Variants in CERT1 observed in about 807,000 individuals in gnomAD.
The protein encoded by CERT1 is ceramide transporter 1, also known as ceramide transfer protein.
A neutral mutation model predicts 87.9 loss-of-function variants in CERT1; 31 were observed. The ratio of observed to expected loss-of-function variants is 0.35; its 90% CI spans 0.27 to 0.48. CERT1 has a LOEUF of 0.48. Ranked by LOEUF, CERT1 falls within the 20% of genes least tolerant of loss-of-function variation. The probability of loss-of-function intolerance (pLI) is 0.99; values close to 1 mark genes in which losing one functional copy is unlikely to be tolerated. For synonymous variants in CERT1, 289 were observed against 250.9 expected (o/e 1.15, Z -1.44); for missense variants, 487 against 758.0 (o/e 0.64, Z 4.20).
At chr5:75,406,974 C>A (rs1399094051) in intron 8 of CERT1, among the ~76,000 whole-genome samples, 2 of 151,924 alleles carry the variant, frequency 1.3e-5, no homozygotes, top group African/African-American at 4.8e-5. Flanking sequence ...CAAAAAGAGT[C>A]ATAGTTTGAA....
intron 14 of CERT1, 136 bp from the exon 15 acceptor site, chr5:75,382,213 A>G (rs770125499): frequency 2.8e-6 from 2 of 720,100 alleles, no homozygotes; most frequent in Non-Finnish European, 4.5e-6. Flanking sequence ...ATATCTACCA[A>G]ATGATTAATT....
chr5:75,414,626 C>T (rs774576427), intron 7 of CERT1, among the ~76,000 whole-genome samples: 1 of 152,066 alleles, frequency 6.6e-6, no homozygotes, highest in Non-Finnish European at 1.5e-5. Context: ...ATTAAGTACA[C>T]TTCTTCTACA....
At chr5:75,499,061 C>T (rs1767217628) in intron 2 of CERT1, among the ~76,000 whole-genome samples, 1 of 152,252 alleles carries the variant, frequency 6.6e-6, no homozygotes, top group Non-Finnish European at 1.5e-5. Flanking sequence ...TAAGATTTGG[C>T]TGCCTGCCAA....
Position 75,399,797 on chromosome 5 carries a change from C to A in CERT1, c.1110+408G>T, listed in dbSNP as rs1322467121. Reference sequence around the variant, plus strand: ...GGAATACAATATATAAAACCAAAAACAGTCTCATTACTTAAATTAATGAAA... The same window carrying A: ...GGAATACAATATATAAAACCAAAAAAAGTCTCATTACTTAAATTAATGAAA... On this transcript the variant is annotated intron_variant, in intron 10 of 16. Coordinates refer to ENST00000643780, the MANE Select transcript of CERT1 (RefSeq NM_001379029.1). Among the ~76,000 whole-genome samples, 4 of 152,232 alleles carry A rather than the reference C, an allele frequency of 2.6e-5. No individual in the cohort carries two copies. In the East Asian group the frequency reaches 5.8e-4, roughly 22 times the overall value.
intron 2 of CERT1, among the ~76,000 whole-genome samples, chr5:75,499,452 C>T (rs923758457): frequency 3.9e-5 from 6 of 152,036 alleles, no homozygotes; most frequent in African/African-American, 1.5e-4. Flanking sequence ...GAGCTTGTCC[C>T]CCTTTGCCTG....
At chr5:75,430,447 T>C (rs1236993847) in intron 3 of CERT1, among the ~76,000 whole-genome samples, 1 of 152,188 alleles carries the variant, frequency 6.6e-6, no homozygotes, top group Non-Finnish European at 1.5e-5. Flanking sequence ...CTTCATGGTA[T>C]GCAAATTATG....
intron 2 of CERT1, among the ~76,000 whole-genome samples, chr5:75,462,683 G>T (rs571647743): frequency 6.6e-6 from 1 of 152,046 alleles, no homozygotes; most frequent in African/African-American, 2.4e-5. Flanking sequence ...AGTTAAAAAC[G>T]TGGGAAACAA....
chr5:75,473,535 A>T (rs372596929), intron 2 of CERT1, among the ~76,000 whole-genome samples: 2 of 152,184 alleles, frequency 1.3e-5, no homozygotes, highest in East Asian at 3.8e-4. Context: ...ATCTCATGGA[A>T]ATAGAGAGTA....
intron 3 of CERT1, among the ~76,000 whole-genome samples, chr5:75,431,079 G>C (rs1763843721): frequency 6.6e-6 from 1 of 152,100 alleles, no homozygotes. Flanking sequence ...TTTAATTTTA[G>C]GTTCAGGCAA....
chr5:75,455,530 G>A (rs1399381722), intron 3 of CERT1, among the ~76,000 whole-genome samples: 1 of 152,114 alleles, frequency 6.6e-6, no homozygotes, highest in African/African-American at 2.4e-5. Flanking sequence ...AGTTACTTTT[G>A]CACTAGTCTA....
intron 2 of CERT1, among the ~76,000 whole-genome samples, chr5:75,468,300 T>C (rs1765556031): frequency 6.6e-6 from 1 of 152,054 alleles, no homozygotes. Context: ...TTGAAGAGGG[T>C]AGAAAGGATA....
At chr5:75,492,101 C>G (rs557569038) in intron 2 of CERT1, among the ~76,000 whole-genome samples, 1 of 152,206 alleles carries the variant, frequency 6.6e-6, no homozygotes, top group East Asian at 1.9e-4. Context: ...CCCAGCTGTT[C>G]GAGAGGCCAA....
At chr5:75,389,498 T>C (rs569000494) in intron 12 of CERT1, 94 bp downstream of exon 12, 23 of 889,206 alleles carry the variant, frequency 2.6e-5, no homozygotes, top group Admixed American at 4.0e-5. Flanking sequence ...TAAAGGTAAG[T>C]TGAAAGTGCT....
intron 3 of CERT1, among the ~76,000 whole-genome samples, chr5:75,448,642 T>C (rs931704334): frequency 6.6e-6 from 1 of 152,204 alleles, no homozygotes; most frequent in African/African-American, 2.4e-5. Flanking sequence ...GCTGTCAATA[T>C]GTATAAGCCA....
rs185629820 is a variant in CERT1, at chr5:75,483,851, A to G, written c.231+22131T>C. Reference sequence around the variant, plus strand: ...CTAAAGGAAGTTCTTCAGTCTGGGGAAAAAAAAAAAGACATTAACGAGCAA... The same window carrying G: ...CTAAAGGAAGTTCTTCAGTCTGGGGGAAAAAAAAAAGACATTAACGAGCAA... On this transcript the variant is annotated intron_variant, in intron 2 of 16. Coordinates refer to ENST00000643780, the MANE Select transcript of CERT1 (RefSeq NM_001379029.1). Among the ~76,000 whole-genome samples, 294 of 146,282 alleles carry G rather than the reference A, an allele frequency of 2.0e-3. 1 individual carries two copies. Among genetic ancestry groups the G allele is most frequent in the African/African-American group, 5.9e-3 (235 of 40,018 alleles).
At chr5:75,470,568 TC>T (rs1226207506) in intron 2 of CERT1, among the ~76,000 whole-genome samples, 5 of 152,086 alleles carry the variant, frequency 3.3e-5, no homozygotes, top group African/African-American at 4.8e-5. Flanking sequence ...AAATTCAACA[TC>T]CTTTCATAAA....
intron 2 of CERT1, among the ~76,000 whole-genome samples, chr5:75,470,870 T>A (rs958353231): frequency 6.6e-6 from 1 of 152,076 alleles, no homozygotes; most frequent in Non-Finnish European, 1.5e-5. Context: ...TCAGAACTAA[T>A]AAATGAATTC....
intron 14 of CERT1, 29 bp downstream of exon 14, chr5:75,384,613 C>T (rs1761713269): frequency 1.4e-6 from 2 of 1,463,962 alleles, no homozygotes; most frequent in Non-Finnish European, 1.9e-6. Context: ...ACATTGAAAT[C>T]CTTTTAGGAT....
At chr5:75,481,251 G>A (rs575766206) in intron 2 of CERT1, among the ~76,000 whole-genome samples, 2 of 152,194 alleles carry the variant, frequency 1.3e-5, no homozygotes, top group Admixed American at 6.5e-5. Context: ...TAAATGGCAT[G>A]ACTCATTCCT....
Sources: gnomAD v4.1 joint callset for allele counts (sites outside exome capture counted in the v4.1 genomes callset) on GRCh38, gnomAD v4.1.1 for gene constraint, MANE v1.5 for transcripts, NCBI Gene and HGNC (gene_info 2026-07-23, HGNC 2026-07-21) for gene names.